The following LRRC4C variants were observed in gnomAD, a reference collection of about 807,000 sequenced individuals.
The protein encoded by LRRC4C is leucine rich repeat containing 4C.
A neutral mutation model predicts 33.6 loss-of-function variants in LRRC4C; 5 were observed. That is an observed-to-expected ratio of 0.15 (90% CI 0.08 to 0.31). The LOEUF is 0.31. LRRC4C is among the 10% of genes least tolerant of loss of function. LRRC4C has a pLI of 1.00. For missense variants in LRRC4C, 560 were observed against 796.7 expected (o/e 0.70, Z 3.58); for synonymous variants, 329 against 302.0 (o/e 1.09, Z -0.93).
At chr11:40,820,817 T>C (rs1321678055) in intron 2 of LRRC4C, among the ~76,000 whole-genome samples, 1 of 151,722 alleles carries the variant, frequency 6.6e-6, no homozygotes, top group East Asian at 1.9e-4. Flanking sequence ...CTGATCAGTG[T>C]AGTCAGACAA....
chr11:40,887,232 T>G (rs1955511665), intron 2 of LRRC4C, among the ~76,000 whole-genome samples: 1 of 151,756 alleles, frequency 6.6e-6, no homozygotes, highest in South Asian at 2.1e-4. Flanking sequence ...TGAAAAATCA[T>G]TATTTTTCAA....
chr11:40,555,500 C>A (rs1161380981), intron 3 of LRRC4C, among the ~76,000 whole-genome samples: 3 of 152,164 alleles, frequency 2.0e-5, no homozygotes, highest in East Asian at 3.9e-4. Context: ...CTTTTATGAA[C>A]CTTTCTTGCT....
chr11:40,248,195 T>G (rs1043087370), intron 4 of LRRC4C, among the ~76,000 whole-genome samples: 18 of 152,290 alleles, frequency 1.2e-4, no homozygotes, highest in African/African-American at 4.3e-4. Flanking sequence ...ATGTCATTTC[T>G]TCTATAAAGC....
At chr11:41,280,524 C>G (rs1291311173) in intron 1 of LRRC4C, among the ~76,000 whole-genome samples, 1 of 152,184 alleles carries the variant, frequency 6.6e-6, no homozygotes, top group Admixed American at 6.5e-5. Context: ...TGCCCTGTGC[C>G]TGATGAAATA....
At chr11:40,873,670 G>T (rs1023065907) in intron 2 of LRRC4C, among the ~76,000 whole-genome samples, 4 of 152,050 alleles carry the variant, frequency 2.6e-5, no homozygotes, top group South Asian at 2.1e-4. Context: ...CTCCCATACA[G>T]CATGGATTAG....
chr11:41,235,887 G>C (rs894151332), intron 1 of LRRC4C, among the ~76,000 whole-genome samples: 2 of 152,058 alleles, frequency 1.3e-5, no homozygotes, highest in Non-Finnish European at 2.9e-5. Flanking sequence ...AAAGGGTAAT[G>C]AGGTAGATAC....
At chr11:40,483,963 T>C (rs1347888322) in intron 3 of LRRC4C, among the ~76,000 whole-genome samples, 1 of 151,898 alleles carries the variant, frequency 6.6e-6, no homozygotes. Flanking sequence ...ATGTATAAAA[T>C]GACCCCTGAC....
At chr11:41,173,108 TCTC>T (rs1392591291) in intron 1 of LRRC4C, among the ~76,000 whole-genome samples, 1 of 152,082 alleles carries the variant, frequency 6.6e-6, no homozygotes, top group Non-Finnish European at 1.5e-5. Flanking sequence ...TCCAAAATAG[TCTC>T]CTGGACACCA....
intron 3 of LRRC4C, among the ~76,000 whole-genome samples, chr11:40,517,863 C>T (rs1955635718): frequency 6.6e-6 from 1 of 152,078 alleles, no homozygotes; most frequent in Non-Finnish European, 1.5e-5. Context: ...TCAAACTATA[C>T]TACAAGTCTA....
At chr11:41,244,005 G>A (rs1380575465) in intron 1 of LRRC4C, among the ~76,000 whole-genome samples, 3 of 152,174 alleles carry the variant, frequency 2.0e-5, no homozygotes, top group Non-Finnish European at 4.4e-5. Flanking sequence ...CTCCAAATTT[G>A]CCTGTTTACC....
At chr11:41,051,871 A>G (rs1428208214) in intron 1 of LRRC4C, among the ~76,000 whole-genome samples, 1 of 152,188 alleles carries the variant, frequency 6.6e-6, no homozygotes, top group East Asian at 1.9e-4. Flanking sequence ...ATATGCTAAG[A>G]GCAAACAAAG....
At chr11:40,979,456 C>T (rs1852343505) in intron 1 of LRRC4C, among the ~76,000 whole-genome samples, 1 of 152,166 alleles carries the variant, frequency 6.6e-6, no homozygotes, top group South Asian at 2.1e-4. Flanking sequence ...GCTTACATTA[C>T]AACAGGGCTA....
intron 1 of LRRC4C, among the ~76,000 whole-genome samples, chr11:40,945,017 G>GTTTTTTTT (rs1958327148): frequency 5.9e-5 from 8 of 134,652 alleles, no homozygotes; most frequent in African/African-American, 2.0e-4. Flanking sequence ...CAACTTTGCA[G>GTTTTTTTT]TTTTTCTTTT....
chr11:40,289,064 G>A (rs1944024572), intron 4 of LRRC4C, among the ~76,000 whole-genome samples: 1 of 152,128 alleles, frequency 6.6e-6, no homozygotes, highest in Non-Finnish European at 1.5e-5. Context: ...TTTCTAGTAT[G>A]AGGCAGCACT....
At chr11:41,269,822 C>T (rs536619645) in intron 1 of LRRC4C, among the ~76,000 whole-genome samples, 1 of 152,190 alleles carries the variant, frequency 6.6e-6, no homozygotes, top group South Asian at 2.1e-4. Flanking sequence ...AGCATCCAAA[C>T]TTTAAAAGAT....
chr11:40,913,398 C>A (rs1956787915), intron 2 of LRRC4C, among the ~76,000 whole-genome samples: 1 of 152,162 alleles, frequency 6.6e-6, no homozygotes. Flanking sequence ...TAAACTCACT[C>A]AAAACCACTC....
chr11:41,301,610 T>A (rs1950290894), intron 1 of LRRC4C, among the ~76,000 whole-genome samples: 1 of 152,180 alleles, frequency 6.6e-6, no homozygotes, highest in South Asian at 2.1e-4. Flanking sequence ...AAGAAAGGCA[T>A]GTCTCTGGAA....
At chr11:40,749,222 A>G (rs1383242326) in intron 2 of LRRC4C, among the ~76,000 whole-genome samples, 1 of 152,136 alleles carries the variant, frequency 6.6e-6, no homozygotes, top group Non-Finnish European at 1.5e-5. Flanking sequence ...AGAATGTTAG[A>G]TCACAAAACA....
At chr11:40,833,800 A>T (rs1157087990) in intron 2 of LRRC4C, among the ~76,000 whole-genome samples, 1 of 152,134 alleles carries the variant, frequency 6.6e-6, no homozygotes, top group South Asian at 2.1e-4. Context: ...TGAATTGTGG[A>T]TAAGTGTTGT....
Sources: allele counts gnomAD v4.1 joint callset (sites outside exome capture counted in the v4.1 genomes callset), GRCh38; gene constraint gnomAD v4.1.1; transcripts MANE v1.5; gene names NCBI Gene and HGNC (gene_info 2026-07-23, HGNC 2026-07-21).